Variants in SPTBN5 observed in about 807,000 individuals in gnomAD.
The protein encoded by SPTBN5 is spectrin beta, non-erythrocytic 5.
Under a neutral mutation model 477.6 loss-of-function variants are expected in SPTBN5, and 513 were observed. The observed-to-expected ratio is 1.07, with a 90% CI of 1.00 to 1.16. The LOEUF (loss-of-function observed/expected upper bound fraction) is 1.16. SPTBN5 is among the 50% of genes most tolerant of loss of function. The pLI, the probability that SPTBN5 is intolerant of heterozygous loss-of-function variation, is 0.00. For synonymous variants in SPTBN5, 2,169 were observed against 2,011.7 expected, an observed-to-expected ratio of 1.08 and a Z score of -2.09; for missense variants, 5,062 against 4,731.8, an observed-to-expected ratio of 1.07 and a Z score of -2.05.
chr15:41,857,743 C>T (rs748988508), intron 49 of SPTBN5, 33 bp from the exon 50 acceptor site: 1 of 1,535,362 alleles, frequency 6.5e-7, no homozygotes, highest in Non-Finnish European at 8.8e-7. Flanking sequence ...ACCTTGTGGA[C>T]TCAGGACTGC....
At chr15:41,876,359 TG>T (rs1411365369) in intron 20 of SPTBN5, 75 bp from the exon 21 acceptor site, 2 of 1,465,454 alleles carry the variant, frequency 1.4e-6, no homozygotes, top group Admixed American at 2.1e-5. Flanking sequence ...CATCTGAGGG[TG>T]GTGTGGCCAC....
At chr15:41,873,272 G>A (rs149992427) in intron 26 of SPTBN5, among the ~76,000 whole-genome samples, 1 of 152,276 alleles carries the variant, frequency 6.6e-6, no homozygotes, top group Non-Finnish European at 1.5e-5. Flanking sequence ...GGCAAGACTC[G>A]TAAGAAGATG....
At position 41,885,987 on chromosome 15, in the gene SPTBN5, C is replaced by T. The variant is rs557771052; in HGVS notation, c.1268G>A (p.Arg423Gln). The T allele has an allele frequency of 1.0e-5, 16 of 1,548,754 alleles. No individual in the cohort carries two copies. Among genetic ancestry groups the T allele is most frequent in the South Asian group, 3.6e-5 (3 of 82,282 alleles). ...GAAGCGCCGGGCCAGGGTTTCTAGCCGCTGCAGCTGCAGTAGCCTCTGCTG... is the reference window on the plus strand; with the variant it reads ...GAAGCGCCGGGCCAGGGTTTCTAGCTGCTGCAGCTGCAGTAGCCTCTGCTG... ...ALQQRLLQLQ[R>Q]LETLARRFQH... is the part of the protein sequence containing the mutation. Residue 423 changes from arginine to glutamine, a missense_variant, in exon 7 of 68, where the codon CGG becomes CAG. Coordinates refer to ENST00000320955, the MANE Select transcript of SPTBN5 (RefSeq NM_016642.4).
rs759117349 is a variant in SPTBN5, at chr15:41,857,602, T to C, written c.8335A>G (p.Lys2779Glu). 7 of 1,608,930 alleles carry C rather than the reference T, an allele frequency of 4.4e-6. No homozygotes were observed. Among genetic ancestry groups the C allele is most frequent in the Non-Finnish European group, 5.1e-6 (6 of 1,177,852 alleles). Residue 2779 changes from lysine to glutamate, a missense_variant, in exon 50 of 68, where the codon AAG becomes GAG. Lys to Glu is a moderately conservative substitution (Grantham distance 56, BLOSUM62 1). Coordinates refer to ENST00000320955, the MANE Select transcript of SPTBN5 (RefSeq NM_016642.4). ...WGELQDNSQK[K>E]VAKLQKACEA... The stretch of plus-strand genomic sequence containing the variant: ...CAGGCCTTCTGGAGCTTGGCCACCT[T>C]CTTCTGGGAGTTGTCTTGCAGCTCA...
Position 41,854,957 on chromosome 15 carries a change from T to A in SPTBN5, c.9443A>T (p.Asp3148Val), listed in dbSNP as rs2065889751. ...EGVKVLEEKF[D>V]AFRKEVQSLG... is the part of the protein sequence containing the mutation. ...GCTCTGCACTTCCTTTCTGAAAGCA[T>A]CAAACTTCTCTTCCAGCACCTGCAA... is the stretch of plus-strand genomic sequence containing the variant. The change falls in exon 56 of 68, where the codon GAT becomes GTT. Residue 3148 changes from aspartate (D) to valine (V), a missense_variant. Physicochemically the swap from Asp to Val is radical, Grantham distance 152 (BLOSUM62 -3). Coordinates refer to ENST00000320955, the MANE Select transcript of SPTBN5 (RefSeq NM_016642.4). 6.5e-7 allele frequency: 1 copy of A among 1,550,264 alleles called. No homozygotes were observed. The highest frequency in any genetic ancestry group is 8.7e-7 in the Non-Finnish European group (1 of 1,148,922).
In SPTBN5 at chr15:41,851,365, C is replaced by T; in HGVS notation, c.10661G>A (p.Ser3554Asn). The change falls in exon 64 of 68, where the codon AGC becomes AAC. Residue 3554 changes from serine (S) to asparagine (N), a missense_variant. Ser to Asn is a conservative substitution (Grantham distance 46). Coordinates refer to ENST00000320955, the MANE Select transcript of SPTBN5 (RefSeq NM_016642.4). ...QHLLPGGRQP[S>N]SSSWDSCRGN... ...GCGGCAGCTGTCCCAGGAGCTCGAGCTAGGCTGTGGAGAGGAGGCGGGAAG... is the reference window on the plus strand; with the variant it reads ...GCGGCAGCTGTCCCAGGAGCTCGAGTTAGGCTGTGGAGAGGAGGCGGGAAG... 1 of 1,550,790 alleles carries T rather than the reference C, an allele frequency of 6.4e-7. No individual in the cohort carries two copies. Among genetic ancestry groups the T allele is most frequent in the East Asian group, 2.4e-5 (1 of 40,908 alleles).
intron 22 of SPTBN5, 62 bp from the exon 23 acceptor site, chr15:41,875,118 C>A (rs375331469): frequency 8.8e-6 from 13 of 1,475,792 alleles, no homozygotes; most frequent in East Asian, 2.5e-5. Flanking sequence ...GTGGCCTTCC[C>A]GGGCTCTGGG....
chr15:41,861,656 C>G, intron 45 of SPTBN5, 79 bp downstream of exon 45: 2 of 1,507,432 alleles, frequency 1.3e-6, no homozygotes, highest in Non-Finnish European at 1.8e-6. Context: ...CCAGTCTTAG[C>G]CTTGACCAGA....
At chr15:41,854,344 C>T in intron 56 of SPTBN5, 139 bp from the exon 57 acceptor site, 1 of 1,004,752 alleles carries the variant, frequency 1.0e-6, no homozygotes, top group African/African-American at 1.6e-5. Context: ...GTACAGAAAC[C>T]ATCCTCCATG....
chr15:41,867,083 C>CG lies in SPTBN5; in HGVS notation c.6355dup (p.Arg2119ProfsTer44), dbSNP rs1235939605. ...CAGGATGGGAAGCCGGTCCCGCACC[C>CG]GGGGGCGCCGGAGCGTCTTCAGCCG... On this transcript the variant is annotated frameshift_variant, in exon 36 of 68. Transcript: ENST00000320955. LOFTEE classifies it high-confidence loss of function. The CG allele has an allele frequency of 6.5e-7, 1 of 1,545,812 alleles. No homozygotes were observed. The highest frequency in any genetic ancestry group is 1.4e-5 in the African/African-American group (1 of 73,168).
chr15:41,853,882 C>T lies in SPTBN5; in HGVS notation c.9775-95G>A, dbSNP rs2065855430. ...ACCAGGCCTCTCTGAGGAACCACCT[C>T]CACTCTGCTGCACAAGCTGGGCCAA... On this transcript the variant is annotated intron_variant, in intron 57 of 67. Transcript: ENST00000320955. 41 of 1,429,972 alleles carry T rather than the reference C, an allele frequency of 2.9e-5. 1 individual carries two copies. In the South Asian group the frequency reaches 5.5e-4, roughly 19 times the overall value. The allele number at this position is 1,429,972 out of a possible 1,614,324, so 88.6% of individuals were successfully genotyped here. A position where few individuals can be genotyped will look rare whatever the true frequency, so the allele number is the denominator to read the frequency against.
rs768053492 is a variant in SPTBN5 at position 41,860,744 on chromosome 15, G to A, written c.7830C>T (p.Pro2610=). The A allele has an allele frequency of 2.9e-5, 46 of 1,589,896 alleles. No homozygotes were observed. Among genetic ancestry groups the A allele is most frequent in the Middle Eastern group, 1.7e-4 (1 of 6,010 alleles). ...ASEGLWDPLA[P]MEPLLWKHKM... Reference sequence around the variant, plus strand: ...TGTGCTTCCACAGAAGGGGCTCCATGGGGGCCAAGGGGTCCTGGTGGGAGT... The same window carrying A: ...TGTGCTTCCACAGAAGGGGCTCCATAGGGGCCAAGGGGTCCTGGTGGGAGT... The change falls in exon 47 of 68, where the codon CCC becomes CCT. Residue 2610 remains proline (P), a synonymous_variant. Transcript: ENST00000320955.
chr15:41,850,362 T>A (rs1247190639), intron 66 of SPTBN5: 2 of 247,118 alleles, frequency 8.1e-6, no homozygotes, highest in African/African-American at 4.4e-5. Flanking sequence ...CAGAGCACGC[T>A]GACCACGGAA....
Position 41,857,683 on chromosome 15 carries a change from G to A in SPTBN5, c.8254C>T (p.His2752Tyr). The change falls in exon 50 of 68, where the codon CAC becomes TAC. Residue 2752 changes from histidine (H) to tyrosine (Y), a missense_variant. Coordinates refer to ENST00000320955, the MANE Select transcript of SPTBN5 (RefSeq NM_016642.4). ...TCCTGGATGGCCTCCGAGGCTGGGT[G>A]GCCCCCCTGCAGCAGCCTCTGTCCC... ...REGQRLLQGG[H>Y]PASEAIQERL... 1 of 1,581,826 alleles carries A rather than the reference G, an allele frequency of 6.3e-7. No individual in the cohort carries two copies.
Position 41,879,416 on chromosome 15 carries a change from C to T in SPTBN5, c.3026G>A (p.Cys1009Tyr), listed in dbSNP as rs1291723625. Residue 1009 changes from cysteine to tyrosine, a missense_variant, in exon 16 of 68, where the codon TGT (cysteine) becomes TAT (tyrosine). Transcript: ENST00000320955. ...TCGCAGCTGGACCTGTGTGGGTCCA[C>T]ACTCCTGCAGAAAACTGCACACTTC... ...SVEVCSFLQE[C>Y]GPTQVQLRDV... The T allele has an allele frequency of 6.2e-7, 1 of 1,610,288 alleles. No individual in the cohort carries two copies. Among genetic ancestry groups the T allele is most frequent in the Non-Finnish European group, 8.5e-7 (1 of 1,179,462 alleles).
In SPTBN5 at chr15:41,862,324, G is replaced by T. The variant is rs2066140354; in HGVS notation, c.7386-32C>A. The T allele has an allele frequency of 2.6e-6, 4 of 1,564,408 alleles. No individual in the cohort carries two copies. The South Asian group carries it at 4.7e-5, about 18-fold the overall frequency. Reference sequence around the variant, plus strand: ...ACAGCGCTCATCAGCTAGTCGTCAGGCCTTCAAACCCCTCTCCCCCATGCC... The same window carrying T: ...ACAGCGCTCATCAGCTAGTCGTCAGTCCTTCAAACCCCTCTCCCCCATGCC... On this transcript the variant is annotated intron_variant, in intron 43 of 67. Coordinates refer to ENST00000320955, the MANE Select transcript of SPTBN5 (RefSeq NM_016642.4).
At chr15:41,849,017 G>T (rs1425560192) in intron 67 of SPTBN5, among the ~76,000 whole-genome samples, 1 of 152,194 alleles carries the variant, frequency 6.6e-6, no homozygotes, top group Non-Finnish European at 1.5e-5. Context: ...TTACACTGGA[G>T]ACCACAGCCG....
intron 27 of SPTBN5, 46 bp from the exon 28 acceptor site, chr15:41,871,963 C>A (rs562806272): frequency 1.6e-5 from 24 of 1,482,558 alleles, no homozygotes; most frequent in Middle Eastern, 1.8e-4. Flanking sequence ...TGCCCACCCC[C>A]CTGGGGGCCA....
At chr15:41,849,109 G>A (rs928830030) in intron 67 of SPTBN5, among the ~76,000 whole-genome samples, 5 of 152,204 alleles carry the variant, frequency 3.3e-5, no homozygotes, top group Admixed American at 6.5e-5. Context: ...CCTGGCATGG[G>A]GCCCATGCAC....
Sources: allele counts gnomAD v4.1 joint callset (sites outside exome capture counted in the v4.1 genomes callset), GRCh38; gene constraint gnomAD v4.1.1; transcripts MANE v1.5; gene names NCBI Gene and HGNC (gene_info 2026-07-23, HGNC 2026-07-21).